SPPL2B: variants seen among roughly 807,000 people sequenced by gnomAD.
SPPL2B encodes signal peptide peptidase-like 2B.
SPPL2B carries 39 observed loss-of-function variants against 59.7 expected under a neutral mutation model. The ratio of observed to expected loss-of-function variants is 0.65; its 90% confidence interval spans 0.51 to 0.85. The LOEUF is 0.85. Among genes scored for constraint, SPPL2B ranks in the 40% least tolerant of loss-of-function variants. The probability of loss-of-function intolerance (pLI) is 0.00; values close to 1 mark genes in which losing one functional copy is unlikely to be tolerated. For missense variants in SPPL2B, 865 were observed against 849.0 expected (o/e 1.02, Z -0.23); for synonymous variants, 419 against 370.8 (o/e 1.13, Z -1.49).
Position 2,340,890 on chromosome 19 carries a change from C to A in SPPL2B, c.840-8C>A, listed in dbSNP as rs753887261. 1.9e-6 allele frequency: 3 copies of A among 1,559,104 alleles called. No homozygotes were observed. Among genetic ancestry groups the A allele is most frequent in the Non-Finnish European group, 2.6e-6 (3 of 1,150,424 alleles). On this transcript the variant is annotated splice_polypyrimidine_tract_variant and splice_region_variant and intron_variant, in intron 7 of 14. Coordinates refer to ENST00000613503, the MANE Select transcript of SPPL2B (RefSeq NM_152988.3). ...TGGGCTTGGCTCTGACTGCCCCGTG[C>A]CCCCCAGGATCCCCAACAACAGCCT... is the stretch of plus-strand genomic sequence containing the variant.
rs967124052 is a variant in SPPL2B at position 2,354,234 on chromosome 19, C to T, written c.*1025C>T. 2 of 152,314 alleles carry T rather than the reference C, an allele frequency of 1.3e-5. No individual in the cohort carries two copies. Among genetic ancestry groups the T allele is most frequent in the Non-Finnish European group, 2.9e-5 (2 of 68,114 alleles). 9.4% of individuals were successfully genotyped at this position (152,314 alleles called of 1,614,324 possible). ...TAGGAGCTTCTGGAACCCACGAGGACATCTGCCACTGGCATGGTCTACTCA... is the reference window on the plus strand; with the variant it reads ...TAGGAGCTTCTGGAACCCACGAGGATATCTGCCACTGGCATGGTCTACTCA... On this transcript the variant is annotated 3_prime_UTR_variant, in exon 15 of 15. Transcript: ENST00000613503.
chr19:2,339,585 C>A, intron 5 of SPPL2B: 1 of 601,886 alleles, frequency 1.7e-6, no homozygotes, highest in Non-Finnish European at 2.9e-6. Context: ...CACACGCCAG[C>A]CTCTGGCCCG....
At chr19:2,348,163 T>TCC (rs1969587930) in intron 13 of SPPL2B, among the ~76,000 whole-genome samples, 2 of 13,548 alleles carry the variant, frequency 1.5e-4, no homozygotes, top group African/African-American at 1.3e-3. Flanking sequence ...CCGTTCTCTC[T>TCC]CCACACACAC....
chr19:2,336,425 TTGTG>T (rs200097190), intron 2 of SPPL2B, among the ~76,000 whole-genome samples: 2,653 of 151,864 alleles, frequency 0.017, 51 homozygotes, highest in African/African-American at 0.05. Context: ...GATAATAGGT[TTGTG>T]TGTGGATGTG....
At chr19:2,337,103 C>A in intron 2 of SPPL2B, 1 of 243,676 alleles carries the variant, frequency 4.1e-6, no homozygotes, top group Non-Finnish European at 7.9e-6. Flanking sequence ...GAAACCCTCC[C>A]CCTTCTCACA....
chr19:2,334,209 C>T (rs749502843), intron 1 of SPPL2B, among the ~76,000 whole-genome samples: 4 of 152,132 alleles, frequency 2.6e-5, no homozygotes, highest in Non-Finnish European at 5.9e-5. Flanking sequence ...CCGCTGGGGC[C>T]CTGCCCTGCT....
intron 13 of SPPL2B, among the ~76,000 whole-genome samples, chr19:2,348,714 ACACT>A (rs1969661465): frequency 1.6e-5 from 2 of 126,816 alleles, no homozygotes; most frequent in South Asian, 5.0e-4. Flanking sequence ...CTCTCCACAC[ACACT>A]CACGCTCTCA....
At chr19:2,331,721 C>G (rs1401270854) in intron 1 of SPPL2B, among the ~76,000 whole-genome samples, 2 of 152,182 alleles carry the variant, frequency 1.3e-5, no homozygotes, top group Non-Finnish European at 2.9e-5. Flanking sequence ...CACCAGAGTC[C>G]CTGATCCCAT....
At chr19:2,341,277 C>A (rs1340734311) in intron 8 of SPPL2B, 1 of 647,196 alleles carries the variant, frequency 1.5e-6, no homozygotes, top group Non-Finnish European at 2.9e-6. Flanking sequence ...GCCACGTCCT[C>A]CAGCCTGGAT....
At chr19:2,350,627 G>A (rs1969873878) in intron 13 of SPPL2B, among the ~76,000 whole-genome samples, 1 of 152,276 alleles carries the variant, frequency 6.6e-6, no homozygotes, top group South Asian at 2.1e-4. Context: ...AAAGATTTGT[G>A]TTCTTATCTG....
At chr19:2,339,427 C>A (rs1968877052) in intron 5 of SPPL2B, among the ~76,000 whole-genome samples, 1 of 152,278 alleles carries the variant, frequency 6.6e-6, no homozygotes. Flanking sequence ...TAGGGCTGGG[C>A]AGGTGTGGAT....
chr19:2,337,607 C>T lies in SPPL2B; in HGVS notation c.351C>T (p.Ile117=), dbSNP rs374291021. ...AQGSGARGLL[I]VSRERLVPPG... ...GCAGCGGAGCACGCGGGCTGCTCAT[C>T]GTCAGCAGGGAGAGGCTGGTACGGC... Residue 117 remains isoleucine, a synonymous_variant, in exon 3 of 15, where the codon ATC becomes ATT. Coordinates refer to ENST00000613503, the MANE Select transcript of SPPL2B (RefSeq NM_152988.3). 1.5e-5 allele frequency: 24 copies of T among 1,586,894 alleles called. No homozygotes were observed. Among genetic ancestry groups the T allele is most frequent in the African/African-American group, 5.4e-5 (4 of 74,492 alleles).
Position 2,340,983 on chromosome 19 carries a change from G to A in SPPL2B, c.925G>A (p.Val309Met), listed in dbSNP as rs375548056. 3.1e-5 allele frequency: 49 copies of A among 1,604,862 alleles called. No homozygotes were observed. The Middle Eastern group carries it at 8.2e-4, about 27-fold the overall frequency. ...GGCGCTCTTCTGCGTGGCCGTCAGC[G>A]TGGTGTGGGGCGTCTTCCGCAACGA... ...LLALFCVAVS[V>M]VWGVFRNEDQ... Residue 309 changes from valine to methionine, a missense_variant, in exon 8 of 15, where the codon GTG (valine) becomes ATG (methionine). Val to Met is a conservative substitution (Grantham distance 21). Transcript: ENST00000613503.
chr19:2,346,291 C>T (rs1043081026), intron 13 of SPPL2B, among the ~76,000 whole-genome samples: 8 of 152,250 alleles, frequency 5.3e-5, no homozygotes, highest in South Asian at 2.1e-4. Context: ...CGGCCTGTCC[C>T]CTCACACCTG....
intron 13 of SPPL2B, among the ~76,000 whole-genome samples, chr19:2,348,907 C>T (rs537391345): frequency 1.6e-4 from 24 of 151,086 alleles, no homozygotes; most frequent in African/African-American, 5.4e-4. Context: ...CACACTCACG[C>T]GCTCTCATTC....
intron 8 of SPPL2B, chr19:2,341,553 C>T (rs1355976963): frequency 2.2e-6 from 1 of 452,078 alleles, no homozygotes; most frequent in Non-Finnish European, 4.5e-6. Flanking sequence ...GTGCCTGGTG[C>T]CGTGTTGGGA....
At position 2,334,620 on chromosome 19, in the gene SPPL2B, A is replaced by T. The variant is rs772951033; in HGVS notation, c.85A>T (p.Met29Leu). Reference sequence around the variant, plus strand: ...CCTGCAGGTGGCCTGTGAGTACGGCATGGTGCACGTGGTCTCCCAGGCCGG... The same window carrying T: ...CCTGCAGGTGGCCTGTGAGTACGGCTTGGTGCACGTGGTCTCCCAGGCCGG... ...LAAQVACEYG[M>L]VHVVSQAGGP... Residue 29 changes from methionine to leucine, a missense_variant, in exon 2 of 15, where the codon ATG becomes TTG. Coordinates refer to ENST00000613503, the MANE Select transcript of SPPL2B (RefSeq NM_152988.3). The T allele has an allele frequency of 1.2e-6, 2 of 1,612,506 alleles. No homozygotes were observed. Among genetic ancestry groups the T allele is most frequent in the African/African-American group, 2.7e-5 (2 of 74,888 alleles).
Position 2,344,004 on chromosome 19 carries a change from A to C in SPPL2B, c.1078A>C (p.Ile360Leu). The change falls in exon 10 of 15, where the codon ATC (isoleucine) becomes CTC (leucine). Residue 360 changes from isoleucine to leucine, a missense_variant. Ile to Leu is a conservative substitution (Grantham distance 5). Transcript: ENST00000613503. Reference sequence around the variant, plus strand: ...GCTGCTGGTGCTGTTCCTCTACGACATCTTCTTCGTGTTCATCACGCCCTT... The same window carrying C: ...GCTGCTGGTGCTGTTCCTCTACGACCTCTTCTTCGTGTTCATCACGCCCTT... ...LLLLVLFLYD[I>L]FFVFITPFLT... 1 of 1,548,076 alleles carries C rather than the reference A, an allele frequency of 6.5e-7. No individual in the cohort carries two copies. The highest frequency in any genetic ancestry group is 8.7e-7 in the Non-Finnish European group (1 of 1,146,602).
rs1299550090 is a variant in SPPL2B, at chr19:2,340,060, G to A, written c.743-16G>A. On this transcript the variant is annotated splice_polypyrimidine_tract_variant and intron_variant, in intron 6 of 14. Transcript: ENST00000613503. ...GTGCGGGCCTGGCCCCCGGCCTCAC[G>A]GCCCTGCCCCTGCAGTGTACGTGGT... 20 of 1,583,514 alleles carry A rather than the reference G, an allele frequency of 1.3e-5. No homozygotes were observed. The highest frequency in any genetic ancestry group is 7.1e-5 in the Admixed American group (4 of 56,030).
Sources: allele counts gnomAD v4.1 joint callset (sites outside exome capture counted in the v4.1 genomes callset), GRCh38; gene constraint gnomAD v4.1.1; transcripts MANE v1.5; gene names NCBI Gene and HGNC (gene_info 2026-07-23, HGNC 2026-07-21).